Variants in GABRA4 observed in about 807,000 individuals in gnomAD.
The protein encoded by GABRA4 is gamma-aminobutyric acid receptor subunit alpha-4.
Under a neutral mutation model 49.7 loss-of-function variants are expected in GABRA4, and 12 were observed. The ratio of observed to expected loss-of-function variants is 0.24; its 90% CI spans 0.15 to 0.39. GABRA4 has a LOEUF of 0.39. GABRA4 is among the 10% of genes least tolerant of loss of function. The probability of loss-of-function intolerance (pLI) is 1.00; values close to 1 mark genes in which losing one functional copy is unlikely to be tolerated. For missense variants in GABRA4, 506 were observed against 686.0 expected (o/e 0.74, Z 2.93); for synonymous variants, 288 against 240.2 (o/e 1.20, Z -1.84).
At chr4:46,970,278 T>C (rs1355865481) in intron 7 of GABRA4, among the ~76,000 whole-genome samples, 1 of 151,484 alleles carries the variant, frequency 6.6e-6, no homozygotes, top group African/African-American at 2.4e-5. Flanking sequence ...TTGGCACTCT[T>C]GTGAGGAATA....
At chr4:46,957,004 A>G (rs1722390182) in intron 8 of GABRA4, among the ~76,000 whole-genome samples, 1 of 152,086 alleles carries the variant, frequency 6.6e-6, no homozygotes. Flanking sequence ...AGAATATTAT[A>G]AAGTGATAAA....
At chr4:46,953,492 C>A (rs1722242054) in intron 8 of GABRA4, among the ~76,000 whole-genome samples, 1 of 152,074 alleles carries the variant, frequency 6.6e-6, no homozygotes, top group South Asian at 2.1e-4. Flanking sequence ...TAGATTATTT[C>A]AAATCAAAAT....
intron 6 of GABRA4, 90 bp from the exon 7 acceptor site, chr4:46,971,325 A>G: frequency 1.7e-6 from 2 of 1,177,644 alleles, no homozygotes. Context: ...AACAAACAGG[A>G]TTCTAAGGAA....
intron 8 of GABRA4, among the ~76,000 whole-genome samples, chr4:46,941,239 T>A (rs1721778239): frequency 6.6e-6 from 1 of 151,958 alleles, no homozygotes; most frequent in Non-Finnish European, 1.5e-5. Context: ...CTATGAACTA[T>A]CATTATCATT....
Position 46,974,311 on chromosome 4 carries a change from A to C in GABRA4, c.642T>G (p.Val214=), listed in dbSNP as rs760654954. ...GAACTAAGCTGGAAGACTCCTTCGGAACTTCAACTGATTTCTCAGGACCTT... is the reference window on the plus strand; with the variant it reads ...GAACTAAGCTGGAAGACTCCTTCGGCACTTCAACTGATTTCTCAGGACCTT... ...WTKGPEKSVE[V]PKESSSLVQY... is the part of the protein sequence containing the mutation. Residue 214 remains valine (V), a synonymous_variant, in exon 6 of 9, where the codon GTT becomes GTG. Coordinates refer to ENST00000264318, the MANE Select transcript of GABRA4 (RefSeq NM_000809.4). The C allele has an allele frequency of 8.1e-6, 13 of 1,611,706 alleles. No individual in the cohort carries two copies. The highest frequency in any genetic ancestry group is 5.0e-5 in the Admixed American group (3 of 59,822).
Position 46,934,402 on chromosome 4 carries a change from G to A in GABRA4, c.1135-5647C>T, listed in dbSNP as rs180990698. Among the ~76,000 whole-genome samples the A allele has an allele frequency of 1.4e-4, 22 of 152,198 alleles. 1 individual carries two copies. The highest frequency in any genetic ancestry group is 3.4e-4 in the African/African-American group (14 of 41,570). On this transcript the variant is annotated intron_variant, in intron 8 of 8. Transcript: ENST00000264318. ...ACAGCATTTTTAGAACGTGCTACAC[G>A]TAGAAATTTTTAACACATCCCCTCC... is the stretch of plus-strand genomic sequence containing the variant.
chr4:46,963,142 A>G (rs1722639378), intron 8 of GABRA4, among the ~76,000 whole-genome samples: 1 of 151,874 alleles, frequency 6.6e-6, no homozygotes, highest in Non-Finnish European at 1.5e-5. Context: ...GTATACAATC[A>G]ACAAAGTGAA....
At chr4:46,970,578 G>A (rs970886281) in intron 7 of GABRA4, among the ~76,000 whole-genome samples, 1 of 151,236 alleles carries the variant, frequency 6.6e-6, no homozygotes, top group African/African-American at 2.4e-5. Context: ...AAAGAAGTAA[G>A]TAAATATATG....
intron 7 of GABRA4, among the ~76,000 whole-genome samples, chr4:46,965,959 T>C (rs1722737422): frequency 6.7e-6 from 1 of 148,928 alleles, no homozygotes; most frequent in African/African-American, 2.4e-5. Flanking sequence ...CTGGAAAATA[T>C]TTGCAAAAGG....
chr4:46,954,864 A>G (rs2109362130), intron 8 of GABRA4, among the ~76,000 whole-genome samples: 1 of 152,262 alleles, frequency 6.6e-6, no homozygotes, highest in East Asian at 1.9e-4. Flanking sequence ...CTCAAATCCA[A>G]GTCTACCATT....
intron 8 of GABRA4, among the ~76,000 whole-genome samples, chr4:46,952,692 A>C (rs1290946188): frequency 1.3e-5 from 2 of 152,136 alleles, no homozygotes; most frequent in Non-Finnish European, 2.9e-5. Flanking sequence ...AATCTTACTC[A>C]GTAGCTTAGG....
intron 8 of GABRA4, among the ~76,000 whole-genome samples, chr4:46,929,596 T>C: frequency 6.6e-6 from 1 of 152,230 alleles, no homozygotes; most frequent in East Asian, 1.9e-4. Context: ...TCTTATAATA[T>C]TGACAGCCAC....
At position 46,925,145 on chromosome 4, in the gene GABRA4, G is replaced by A. The variant is rs949319927; in HGVS notation, c.*3080C>T. ...GGGTCACTTTTAAGGTGAGATTATT[G>A]AAAAATGACCTTTCAAAGTTCTTTC... On this transcript the variant is annotated 3_prime_UTR_variant, in exon 9 of 9. Transcript: ENST00000264318. 3 of 151,814 alleles carry A rather than the reference G, an allele frequency of 2.0e-5. No individual in the cohort carries two copies. Among genetic ancestry groups the A allele is most frequent in the Admixed American group, 6.6e-5 (1 of 15,210 alleles). 9.4% of individuals were successfully genotyped at this position (151,814 alleles called of 1,614,324 possible).
At chr4:46,974,443 T>A in intron 5 of GABRA4, 68 bp from the exon 6 acceptor site, 1 of 1,383,640 alleles carries the variant, frequency 7.2e-7, no homozygotes. Context: ...GGTCAACACT[T>A]AAAAACAGTA....
chr4:46,993,039 G>A, intron 1 of GABRA4, 93 bp from the exon 2 acceptor site: 1 of 985,002 alleles, frequency 1.0e-6, no homozygotes, highest in South Asian at 1.4e-5. Context: ...TCTAGGGAAA[G>A]AGTCGCTTGC....
intron 8 of GABRA4, among the ~76,000 whole-genome samples, chr4:46,935,907 A>T (rs1721588494): frequency 6.6e-6 from 1 of 152,190 alleles, no homozygotes; most frequent in Non-Finnish European, 1.5e-5. Flanking sequence ...AATACAAATA[A>T]ATACAAAATG....
In GABRA4 at chr4:46,974,289, C is replaced by T; in HGVS notation, c.664G>A (p.Val222Ile). Residue 222 changes from valine (V) to isoleucine (I), a missense_variant, in exon 6 of 9, where the codon GTT (valine) becomes ATT (isoleucine). Physicochemically the swap from Val to Ile is conservative, Grantham distance 29. This residue lies in a region of GABRA4 where 195 missense variants were observed against 326.0 expected (regional missense o/e 0.60). Coordinates refer to ENST00000264318, the MANE Select transcript of GABRA4 (RefSeq NM_000809.4). ...GTTTGCCCAATCAAATCATATTGAA[C>T]TAAGCTGGAAGACTCCTTCGGAACT... The part of the protein sequence containing the change: ...VEVPKESSSL[V>I]QYDLIGQTVS... 1.2e-6 allele frequency: 2 copies of T among 1,611,758 alleles called. No homozygotes were observed. Among genetic ancestry groups the T allele is most frequent in the South Asian group, 2.2e-5 (2 of 90,950 alleles).
chr4:46,929,793 C>T (rs373680070), intron 8 of GABRA4, among the ~76,000 whole-genome samples: 8 of 151,942 alleles, frequency 5.3e-5, no homozygotes, highest in South Asian at 2.1e-4. Flanking sequence ...CATTACTTTC[C>T]ATAACTTCTC....
intron 7 of GABRA4, among the ~76,000 whole-genome samples, chr4:46,968,755 C>T (rs1489366712): frequency 6.6e-6 from 1 of 151,514 alleles, no homozygotes; most frequent in African/African-American, 2.4e-5. Flanking sequence ...GTAATCAATA[C>T]TAGCCTTCCC....
Sources: gnomAD v4.1 joint callset for allele counts (sites outside exome capture counted in the v4.1 genomes callset) on GRCh38, gnomAD v4.1.1 for gene constraint, gnomAD v4.1.1 regional missense constraint, MANE v1.5 for transcripts, NCBI Gene and HGNC (gene_info 2026-07-23, HGNC 2026-07-21) for gene names.